GAK: variants seen among roughly 807,000 people sequenced by gnomAD.
The protein encoded by GAK is cyclin G associated kinase.
In GAK, 79 loss-of-function variants were observed where a neutral mutation model predicts 143.9. The observed-to-expected ratio is 0.55, with a 90% confidence interval of 0.46 to 0.66. The LOEUF (loss-of-function observed/expected upper bound fraction) is 0.66. GAK is among the 30% of genes least tolerant of loss of function. GAK has a pLI of 0.00. For missense variants in GAK, 1,693 were observed against 1,779.7 expected (o/e 0.95, Z 0.88); for synonymous variants, 881 against 765.5 (o/e 1.15, Z -2.49).
At chr4:876,108 G>C (rs921128153) in intron 18 of GAK, among the ~76,000 whole-genome samples, 78 of 152,210 alleles carry the variant, frequency 5.1e-4, no homozygotes, top group African/African-American at 1.8e-3. Flanking sequence ...CAGGGGTGGG[G>C]GCCATCCCGT....
chr4:849,420 TCA>T lies in GAK; in HGVS notation c.*251_*252del, dbSNP rs1483476996. ...GGCCACGCCCGAAACACCAAATAAATCACAGACGTGACAATTGCGGGAGGAGC... is the reference window on the plus strand; with the variant it reads ...GGCCACGCCCGAAACACCAAATAAATCAGACGTGACAATTGCGGGAGGAGC... On this transcript the variant is annotated 3_prime_UTR_variant, in exon 28 of 28. Coordinates refer to ENST00000314167, the MANE Select transcript of GAK (RefSeq NM_005255.4). The T allele has an allele frequency of 2.0e-5, 11 of 544,362 alleles. No individual in the cohort carries two copies. Among genetic ancestry groups the T allele is most frequent in the Non-Finnish European group, 3.3e-6 (1 of 301,652 alleles). 33.7% of individuals were successfully genotyped at this position (544,362 alleles called of 1,614,324 possible). A position where few individuals can be genotyped will look rare whatever the true frequency, so the allele number is the denominator to read the frequency against.
chr4:893,536 G>A (rs1384436313), intron 8 of GAK, 47 bp from the exon 9 acceptor site: 3 of 1,379,758 alleles, frequency 2.2e-6, no homozygotes, highest in Non-Finnish European at 2.9e-6. Context: ...CCCCAGGCGG[G>A]TCAGCACCCC....
chr4:857,168 C>T (rs1168268789), intron 24 of GAK, among the ~76,000 whole-genome samples: 1 of 152,204 alleles, frequency 6.6e-6, no homozygotes, highest in Non-Finnish European at 1.5e-5. Context: ...TGGAATAAAT[C>T]TTACTTGATC....
chr4:862,610 A>T (rs1750495972), intron 23 of GAK, among the ~76,000 whole-genome samples: 1 of 151,936 alleles, frequency 6.6e-6, no homozygotes, highest in Non-Finnish European at 1.5e-5. Context: ...GTGAGCCAAG[A>T]TCACACCACT....
At position 870,699 on chromosome 4, in the gene GAK, G is replaced by T. The variant is rs370601616; in HGVS notation, c.2248+12C>A. 6.2e-7 allele frequency: 1 copy of T among 1,612,832 alleles called. No individual in the cohort carries two copies. The highest frequency in any genetic ancestry group is 1.7e-4 in the Middle Eastern group (1 of 5,900). Reference sequence around the variant, plus strand: ...AGAACAGGGTTCACCTAATTCACCTGCGGGATCTTACCAAACTTAGACAGA... The same window carrying T: ...AGAACAGGGTTCACCTAATTCACCTTCGGGATCTTACCAAACTTAGACAGA... On this transcript the variant is annotated intron_variant, in intron 19 of 27. Transcript: ENST00000314167.
At chr4:929,304 C>T (rs1217128065) in intron 1 of GAK, among the ~76,000 whole-genome samples, 1 of 152,202 alleles carries the variant, frequency 6.6e-6, no homozygotes, top group East Asian at 1.9e-4. Context: ...CCCAACCAAA[C>T]GCACGAGGCG....
chr4:884,641 C>T (rs1284339171), intron 11 of GAK, among the ~76,000 whole-genome samples: 1 of 152,228 alleles, frequency 6.6e-6, no homozygotes, highest in African/African-American at 2.4e-5. Context: ...ACTGGGTCCA[C>T]GGAATCGGTA....
At chr4:898,637 G>A (rs987403238) in intron 5 of GAK, among the ~76,000 whole-genome samples, 11 of 152,326 alleles carry the variant, frequency 7.2e-5, no homozygotes, top group South Asian at 2.1e-4. Context: ...CAAGGCGGGC[G>A]GATCACCTGA....
intron 13 of GAK, 93 bp from the exon 14 acceptor site, chr4:882,912 C>T: frequency 6.7e-7 from 1 of 1,501,602 alleles, no homozygotes; most frequent in East Asian, 2.3e-5. Context: ...AGTGCGGGGG[C>T]CTCCGCCAGC....
chr4:894,720 C>G (rs879677978), intron 7 of GAK: 2 of 152,246 alleles, frequency 1.3e-5, no homozygotes, highest in Non-Finnish European at 2.9e-5. Context: ...CAGTGGCTCA[C>G]GCCTGTAATC....
chr4:931,981 C>T, intron 1 of GAK, 62 bp downstream of exon 1: 6 of 1,198,970 alleles, frequency 5.0e-6, no homozygotes, highest in South Asian at 2.6e-5. Flanking sequence ...GCTGACGCTG[C>T]CCCCAGCGTC....
chr4:887,422 CAT>C (rs1403915004), intron 11 of GAK: 1 of 146,338 alleles, frequency 6.8e-6, no homozygotes, highest in Non-Finnish European at 1.5e-5. Flanking sequence ...ATGCGGCTCA[CAT>C]GCACTCACAG....
chr4:849,720 C>T lies in GAK; in HGVS notation c.3889G>A (p.Asp1297Asn), dbSNP rs1134921. The T allele has an allele frequency of 0.13, 207,982 of 1,612,978 alleles. 14,948 individuals are homozygous for T. Among genetic ancestry groups the T allele is most frequent in the Admixed American group, 0.21 (12,425 of 59,896 alleles). ...HAKMIFMELNDAWSEFENQGS... is the reference protein window; with the variant it reads ...HAKMIFMELNNAWSEFENQGS... ...TGGTTCTCAAACTCCGACCAGGCGT[C>T]ATTCAGCTCCATGAAGATCATCTTG... Residue 1297 changes from aspartate (D) to asparagine (N), a missense_variant, in exon 28 of 28, where the codon GAC (aspartate) becomes AAC (asparagine). Asp to Asn is a conservative substitution (Grantham distance 23). Transcript: ENST00000314167.
intron 1 of GAK, among the ~76,000 whole-genome samples, chr4:920,970 G>T (rs1002674806): frequency 2.0e-5 from 3 of 152,210 alleles, no homozygotes; most frequent in Non-Finnish European, 4.4e-5. Context: ...ATCTGGACTT[G>T]ATCTCAGGAC....
chr4:852,180 G>T, intron 24 of GAK: 1 of 616,710 alleles, frequency 1.6e-6, no homozygotes. Flanking sequence ...CTGGGGCGAC[G>T]GGAACACTCT....
chr4:886,344 G>A (rs1716323535), intron 11 of GAK: 1 of 152,210 alleles, frequency 6.6e-6, no homozygotes, highest in African/African-American at 2.4e-5. Context: ...TCCCAGCAGA[G>A]CCATTTCTAG....
At chr4:885,167 A>G (rs1465105022) in intron 11 of GAK, among the ~76,000 whole-genome samples, 1 of 152,140 alleles carries the variant, frequency 6.6e-6, no homozygotes, top group African/African-American at 2.4e-5. Context: ...TTCCAAAGCA[A>G]CAAGGGAAGA....
At chr4:851,682 G>A in intron 25 of GAK, 68 bp downstream of exon 25, 1 of 1,493,848 alleles carries the variant, frequency 6.7e-7, no homozygotes. Flanking sequence ...AAACAACATA[G>A]GTTCTACCTT....
intron 24 of GAK, among the ~76,000 whole-genome samples, chr4:854,832 T>C (rs1577035572): frequency 6.6e-6 from 1 of 151,464 alleles, no homozygotes; most frequent in Non-Finnish European, 1.5e-5. Context: ...GATCACGAGG[T>C]CAGGAGATCA....
Sources: allele counts gnomAD v4.1 joint callset (sites outside exome capture counted in the v4.1 genomes callset), GRCh38; gene constraint gnomAD v4.1.1; transcripts MANE v1.5; gene names NCBI Gene and HGNC (gene_info 2026-07-23, HGNC 2026-07-21).